Variants in DIP2B observed in about 807,000 individuals in gnomAD.
DIP2B encodes the protein DIP2 acetate--CoA ligase B (putative).
A neutral mutation model predicts 198.0 loss-of-function variants in DIP2B; 76 were observed. The observed-to-expected ratio is 0.38, with a 90% CI of 0.32 to 0.46. The LOEUF (loss-of-function observed/expected upper bound fraction) is 0.46. Ranked by LOEUF, DIP2B falls within the 20% of genes least tolerant of loss-of-function variation. DIP2B has a pLI of 0.99. For missense variants in DIP2B, 1,559 were observed against 1,978.4 expected (o/e 0.79, Z 4.02); for synonymous variants, 701 against 739.1 (o/e 0.95, Z 0.84).
intron 1 of DIP2B, among the ~76,000 whole-genome samples, chr12:50,567,531 C>CT (rs35025171): frequency 0.27 from 41,448 of 151,410 alleles, 5,996 homozygotes; most frequent in East Asian, 0.39. Flanking sequence ...CTTTAAAAAT[C>CT]TTTTTTTTTA....
At chr12:50,546,258 A>T (rs1031360332) in intron 1 of DIP2B, among the ~76,000 whole-genome samples, 3 of 152,252 alleles carry the variant, frequency 2.0e-5, no homozygotes, top group Non-Finnish European at 4.4e-5. Context: ...GGCATGGTTT[A>T]CTTCAGGTAC....
At chr12:50,661,836 G>A (rs1170321971) in intron 4 of DIP2B, among the ~76,000 whole-genome samples, 1 of 152,204 alleles carries the variant, frequency 6.6e-6, no homozygotes, top group African/African-American at 2.4e-5. Flanking sequence ...CTCCAAAGCT[G>A]TATCAAAGAC....
rs765121983 is a variant in DIP2B, at chr12:50,699,143, T to A, written c.2266T>A (p.Ser756Thr). Reference protein sequence around the residue: ...TDEIGEICVSSRTGGMMYFGL... With the variant: ...TDEIGEICVSTRTGGMMYFGL... ...TGAAATTGGAGAAATCTGTGTTAGC[T>A]CCAGAACTGGAGGCATGATGTACTT... The change falls in exon 19 of 38, where the codon TCC (serine) becomes ACC (threonine). Residue 756 changes from serine to threonine, a missense_variant. Physicochemically the swap from Ser to Thr is moderately conservative, Grantham distance 58. Coordinates refer to ENST00000301180, the MANE Select transcript of DIP2B (RefSeq NM_173602.3). 6 of 1,614,056 alleles carry A rather than the reference T, an allele frequency of 3.7e-6. No homozygotes were observed. In the East Asian group the frequency reaches 1.3e-4, roughly 36 times the overall value.
intron 13 of DIP2B, among the ~76,000 whole-genome samples, chr12:50,692,192 G>A (rs910565629): frequency 3.9e-5 from 6 of 151,934 alleles, no homozygotes; most frequent in African/African-American, 1.2e-4. Flanking sequence ...TAGATACCAA[G>A]CTTTGTATAC....
At chr12:50,645,731 A>T (rs556606709) in intron 3 of DIP2B, among the ~76,000 whole-genome samples, 9 of 152,146 alleles carry the variant, frequency 5.9e-5, no homozygotes, top group Non-Finnish European at 1.3e-4. Flanking sequence ...AAGTGCTGGG[A>T]TTACAGTGGT....
intron 4 of DIP2B, among the ~76,000 whole-genome samples, chr12:50,663,646 G>A (rs868271622): frequency 4.0e-5 from 6 of 151,836 alleles, no homozygotes; most frequent in Non-Finnish European, 7.4e-5. Context: ...GCTGAGGTGG[G>A]AGGATTGCTT....
chr12:50,684,512 C>T (rs542732930), intron 10 of DIP2B, among the ~76,000 whole-genome samples: 1 of 152,288 alleles, frequency 6.6e-6, no homozygotes, highest in South Asian at 2.1e-4. Context: ...AAGAAATTGG[C>T]CAGGCACAAT....
At chr12:50,702,875 T>C (rs560152141) in intron 19 of DIP2B, among the ~76,000 whole-genome samples, 6 of 152,182 alleles carry the variant, frequency 3.9e-5, no homozygotes, top group African/African-American at 7.2e-5. Flanking sequence ...GACATATTAC[T>C]TATAAAATGC....
intron 1 of DIP2B, among the ~76,000 whole-genome samples, chr12:50,540,996 TTC>T (rs1032007428): frequency 3.9e-5 from 6 of 152,196 alleles, no homozygotes; most frequent in African/African-American, 1.2e-4. Context: ...TCTTTGTGTT[TTC>T]CATAGTTTCT....
At chr12:50,712,529 G>A (rs1009818347) in intron 22 of DIP2B, among the ~76,000 whole-genome samples, 9 of 151,668 alleles carry the variant, frequency 5.9e-5, no homozygotes, top group East Asian at 3.9e-4. Flanking sequence ...GCTTGAACCC[G>A]GGAGGTGGAG....
rs34616785 is a variant in DIP2B at position 50,600,894 on chromosome 12, TCACCACCACCAC to T, written c.101-25048_101-25037del. Among the ~76,000 whole-genome samples, 132 of 121,582 alleles carry T rather than the reference TCACCACCACCAC, an allele frequency of 1.1e-3. 2 individuals carry two copies. In the East Asian group the frequency reaches 0.022, roughly 20 times the overall value. The allele number at this position is 121,582 out of a possible 152,430, so 79.8% of individuals were successfully genotyped here. Reference sequence around the variant, plus strand: ...ACCACCATCACCACCATGACCACCATCACCACCACCACCACCACCACCACCACCACCACCACC... The same window carrying T: ...ACCACCATCACCACCATGACCACCATCACCACCACCACCACCACCACCACC... On this transcript the variant is annotated intron_variant, in intron 1 of 37. Transcript: ENST00000301180.
chr12:50,539,285 C>T (rs1361715105), intron 1 of DIP2B, among the ~76,000 whole-genome samples: 1 of 148,712 alleles, frequency 6.7e-6, no homozygotes, highest in Admixed American at 6.8e-5. Context: ...GGCTGGAGTG[C>T]AGTGGCACTA....
At chr12:50,623,525 A>ACG (rs570903196) in intron 1 of DIP2B, among the ~76,000 whole-genome samples, 62 of 142,876 alleles carry the variant, frequency 4.3e-4, no homozygotes, top group Non-Finnish European at 7.2e-4. Flanking sequence ...ACACACACAC[A>ACG]CACGCACACA....
chr12:50,690,558 A>G (rs1565872075), intron 12 of DIP2B, among the ~76,000 whole-genome samples: 1 of 152,228 alleles, frequency 6.6e-6, no homozygotes, highest in Non-Finnish European at 1.5e-5. Flanking sequence ...TAGTCCTGGT[A>G]AAAAGCAACT....
chr12:50,674,719 G>A (rs1172907201), intron 6 of DIP2B, 90 bp downstream of exon 6: 12 of 1,501,358 alleles, frequency 8.0e-6, no homozygotes, highest in Non-Finnish European at 1.1e-5. Context: ...TAGCCCAGCA[G>A]CTGCAGAACT....
chr12:50,591,339 C>CT (rs950733810), intron 1 of DIP2B, among the ~76,000 whole-genome samples: 1 of 151,866 alleles, frequency 6.6e-6, no homozygotes, highest in African/African-American at 2.4e-5. Flanking sequence ...ATTGATTTTT[C>CT]TTTTTGTTTA....
Position 50,691,159 on chromosome 12 carries a change from C to T in DIP2B, c.1654+8C>T, listed in dbSNP as rs758304737. 6.2e-7 allele frequency: 1 copy of T among 1,612,716 alleles called. No homozygotes were observed. The highest frequency in any genetic ancestry group is 1.1e-5 in the South Asian group (1 of 91,028). On this transcript the variant is annotated splice_region_variant and intron_variant, in intron 13 of 37. Transcript: ENST00000301180. ...CCTGCAATTATTCTGAAGGTCAGAC[C>T]TCATCCCATGACTGCCCTCATTGTT...
intron 1 of DIP2B, among the ~76,000 whole-genome samples, chr12:50,544,148 A>AACCT (rs1023665761): frequency 6.6e-6 from 1 of 151,194 alleles, no homozygotes; most frequent in Non-Finnish European, 1.5e-5. Flanking sequence ...GAATCGCTTG[A>AACCT]ACCTGGGAGG....
chr12:50,541,499 T>C (rs1315412911), intron 1 of DIP2B, among the ~76,000 whole-genome samples: 1 of 151,982 alleles, frequency 6.6e-6, no homozygotes, highest in Non-Finnish European at 1.5e-5. Context: ...AGAAAATGTT[T>C]AATCCTGTAT....
Sources: gnomAD v4.1 joint callset for allele counts (sites outside exome capture counted in the v4.1 genomes callset) on GRCh38, gnomAD v4.1.1 for gene constraint, MANE v1.5 for transcripts, NCBI Gene and HGNC (gene_info 2026-07-23, HGNC 2026-07-21) for gene names.